Variants in RBCK1 observed in about 807,000 individuals in gnomAD.
The protein encoded by RBCK1 is RANBP2-type and C3HC4-type zinc finger containing 1, also known as ranBP-type and C3HC4-type zinc finger-containing protein 1.
In RBCK1, 44 loss-of-function variants were observed where a neutral mutation model predicts 71.1. The observed-to-expected ratio is 0.62, with a 90% CI of 0.49 to 0.80. The LOEUF (loss-of-function observed/expected upper bound fraction) is 0.80. Among genes scored for constraint, RBCK1 ranks in the 30% least tolerant of loss-of-function variants. The pLI is 0.00. For missense variants in RBCK1, 569 were observed against 685.0 expected (o/e 0.83, Z 1.89); for synonymous variants, 306 against 279.7 (o/e 1.09, Z -0.94).
At chr20:419,224 A>G (rs1356351798) in intron 4 of RBCK1, 123 bp from the exon 5 acceptor site, 18 of 1,325,888 alleles carry the variant, frequency 1.4e-5, no homozygotes, top group Non-Finnish European at 1.8e-5. Flanking sequence ...AGCTGGAGGT[A>G]CCCCCAGGGA....
chr20:420,073 CT>C, intron 6 of RBCK1: 1 of 981,582 alleles, frequency 1.0e-6, no homozygotes, highest in Non-Finnish European at 1.2e-6. Context: ...CCCCAGCACC[CT>C]AGCCATGACC....
In RBCK1 at chr20:422,279, C is replaced by T; in HGVS notation, c.1029+41C>T. 7 of 1,535,894 alleles carry T rather than the reference C, an allele frequency of 4.6e-6. No individual in the cohort carries two copies. Among genetic ancestry groups the T allele is most frequent in the Non-Finnish European group, 6.3e-6 (7 of 1,110,526 alleles). ...GGGAGACATACCCCAAGTCCCAACT[C>T]CTAAGGAACTGGGCCCTGAGCAGGC... is the stretch of plus-strand genomic sequence containing the variant. On this transcript the variant is annotated intron_variant, in intron 8 of 11. Transcript: ENST00000356286. This position sits in a 1 kb window ranked among gnomAD's most constrained non-coding sequence, Gnocchi z 5.0.
Position 417,269 on chromosome 20 carries a change from G to C in RBCK1, c.168-257G>C, listed in dbSNP as rs1286714019. The C allele has an allele frequency of 1.5e-6, 1 of 677,692 alleles. No individual in the cohort carries two copies. The highest frequency in any genetic ancestry group is 2.8e-6 in the Non-Finnish European group (1 of 355,806). 42.0% of individuals were successfully genotyped at this position (677,692 alleles called of 1,614,324 possible). A position where few individuals can be genotyped will look rare whatever the true frequency, so the allele number is the denominator to read the frequency against. The stretch of plus-strand genomic sequence containing the variant: ...GGTTGGAGAGGTCAGGGAGGTGCCA[G>C]ATCATGGAGGCCCTCGTGTGCTGCC... On this transcript the variant is annotated intron_variant, in intron 2 of 11. Transcript: ENST00000356286. The surrounding 1 kb of genome is among the most constrained non-coding windows in gnomAD (Gnocchi z 4.7).
rs1201174405 is a variant in RBCK1 at position 430,903 on chromosome 20, C to G, written c.*473C>G. ...TTTTGAAAGCACAGCCCGTCAGGTC[C>G]GGCTCTGCGTCTCCCTCTCTGCAGC... On this transcript the variant is annotated 3_prime_UTR_variant, in exon 12 of 12. Coordinates refer to ENST00000356286, the MANE Select transcript of RBCK1 (RefSeq NM_031229.4). The surrounding 1 kb of genome is among the most constrained non-coding windows in gnomAD (Gnocchi z 5.6). 1 of 162,994 alleles carries G rather than the reference C, an allele frequency of 6.1e-6. No individual in the cohort carries two copies. The highest frequency in any genetic ancestry group is 1.3e-5 in the Non-Finnish European group (1 of 74,822). The allele number at this position is 162,994 out of a possible 1,614,324, so 10.1% of individuals were successfully genotyped here.
chr20:427,562 G>A (rs143041437), intron 9 of RBCK1, 70 bp downstream of exon 9: 26 of 1,528,212 alleles, frequency 1.7e-5, no homozygotes, highest in South Asian at 8.3e-5. Context: ...ACTGCAGTGC[G>A]TGTTCTCCTG....
Position 426,816 on chromosome 20 carries a change from C to CTTTTTTTTTTTTTTTTTTTTTTTTT in RBCK1, c.1030-493_1030-469dup, listed in dbSNP as rs768525416. Among the ~76,000 whole-genome samples, 7 of 95,508 alleles carry CTTTTTTTTTTTTTTTTTTTTTTTTT rather than the reference C, an allele frequency of 7.3e-5. 1 individual carries two copies. The highest frequency in any genetic ancestry group is 2.1e-4 in the African/African-American group (4 of 18,710). 62.7% of individuals were successfully genotyped at this position (95,508 alleles called of 152,430 possible). A position where few individuals can be genotyped will look rare whatever the true frequency, so the allele number is the denominator to read the frequency against. ...TCACTTTCTTTTTACTTTTCTTTTC[C>CTTTTTTTTTTTTTTTTTTTTTTTTT]TTTTTTTTTTTTTTTTTTTTTTTTT... On this transcript the variant is annotated intron_variant, in intron 8 of 11. Coordinates refer to ENST00000356286, the MANE Select transcript of RBCK1 (RefSeq NM_031229.4).
intron 8 of RBCK1, among the ~76,000 whole-genome samples, chr20:424,166 G>A (rs368544476): frequency 2.1e-4 from 32 of 152,324 alleles, no homozygotes; most frequent in African/African-American, 6.0e-4. Context: ...GTCTGCATAC[G>A]TGTGTGCTTG....
chr20:421,874 G>A (rs778603564), intron 7 of RBCK1: 13 of 497,752 alleles, frequency 2.6e-5, no homozygotes, highest in Middle Eastern at 1.1e-3. Flanking sequence ...GGAGCCCAGC[G>A]AGGAGGCTCC....
intron 8 of RBCK1, among the ~76,000 whole-genome samples, chr20:425,627 T>C (rs1162207430): frequency 4.3e-5 from 1 of 23,482 alleles, no homozygotes; most frequent in Non-Finnish European, 1.2e-4. Flanking sequence ...TGGTGTATTC[T>C]TTTTTTTTTT....
Position 428,843 on chromosome 20 carries a change from G to A in RBCK1, c.1309-108G>A, listed in dbSNP as rs1347586599. ...CCTGGCCTGGCAGAGCCACACAGGA[G>A]AGACTCCACAGCTCTAGAGGGTCAC... is the stretch of plus-strand genomic sequence containing the variant. On this transcript the variant is annotated intron_variant, in intron 10 of 11. Transcript: ENST00000356286. The surrounding 1 kb of genome is among the most constrained non-coding windows in gnomAD (Gnocchi z 5.7). 2 of 1,451,350 alleles carry A rather than the reference G, an allele frequency of 1.4e-6. No homozygotes were observed. Among genetic ancestry groups the A allele is most frequent in the East Asian group, 2.5e-5 (1 of 40,518 alleles). 89.9% of individuals were successfully genotyped at this position (1,451,350 alleles called of 1,614,324 possible).
chr20:408,413 G>A lies in RBCK1; in HGVS notation c.-345G>A, dbSNP rs976762839. ...ACGCCAGGGGCGCTCCCGCAAGTGG[G>A]GGTCCTCCGGGACTTGGAACGCCCC... On this transcript the variant is annotated 5_prime_UTR_variant, in exon 1 of 12. Coordinates refer to ENST00000356286, the MANE Select transcript of RBCK1 (RefSeq NM_031229.4). The A allele has an allele frequency of 8.9e-6, 4 of 448,948 alleles. No individual in the cohort carries two copies. Among genetic ancestry groups the A allele is most frequent in the Admixed American group, 4.3e-5 (1 of 23,526 alleles). 27.8% of individuals were successfully genotyped at this position (448,948 alleles called of 1,614,324 possible).
At chr20:419,814 C>A (rs926940895) in intron 6 of RBCK1, 83 bp downstream of exon 6, 1 of 1,465,886 alleles carries the variant, frequency 6.8e-7, no homozygotes, top group Admixed American at 2.2e-5. Flanking sequence ...TGCGCACTGC[C>A]GCGCCTCTCC....
Position 426,835 on chromosome 20 carries a change from T to G in RBCK1, c.1030-478T>G, listed in dbSNP as rs2016747704. Among the ~76,000 whole-genome samples, 5 of 141,828 alleles carry G rather than the reference T, an allele frequency of 3.5e-5. No individual in the cohort carries two copies. In the South Asian group the frequency reaches 1.2e-3, roughly 33 times the overall value. The allele number at this position is 141,828 out of a possible 152,430, so 93.0% of individuals were successfully genotyped here. On this transcript the variant is annotated intron_variant, in intron 8 of 11. Transcript: ENST00000356286. ...CTTTTCCTTTTTTTTTTTTTTTTTTTTTTTTTTTTAGCTAGGATTTCATTC... is the reference window on the plus strand; with the variant it reads ...CTTTTCCTTTTTTTTTTTTTTTTTTGTTTTTTTTTAGCTAGGATTTCATTC...
Position 428,794 on chromosome 20 carries a change from T to C in RBCK1, c.1309-157T>C. ...GGGTGGAGGGTGGAGACCACAGGAATGAAGAGGGGGTTGCTGGATGGAGCC... is the reference window on the plus strand; with the variant it reads ...GGGTGGAGGGTGGAGACCACAGGAACGAAGAGGGGGTTGCTGGATGGAGCC... On this transcript the variant is annotated intron_variant, in intron 10 of 11. Coordinates refer to ENST00000356286, the MANE Select transcript of RBCK1 (RefSeq NM_031229.4). The surrounding 1 kb of genome is among the most constrained non-coding windows in gnomAD (Gnocchi z 5.7). 7.0e-7 allele frequency: 1 copy of C among 1,432,000 alleles called. No homozygotes were observed. Among genetic ancestry groups the C allele is most frequent in the Non-Finnish European group, 9.1e-7 (1 of 1,095,280 alleles). 88.7% of individuals were successfully genotyped at this position (1,432,000 alleles called of 1,614,324 possible).
At chr20:409,275 C>T (rs1437907803) in intron 1 of RBCK1, among the ~76,000 whole-genome samples, 2 of 152,218 alleles carry the variant, frequency 1.3e-5, no homozygotes, top group East Asian at 1.9e-4. Flanking sequence ...TGGCTTCCTT[C>T]GGTTCTCATC....
In RBCK1 at chr20:419,836, G is replaced by T. The variant is rs911268359; in HGVS notation, c.756+105G>T. 34 of 1,453,538 alleles carry T rather than the reference G, an allele frequency of 2.3e-5. No individual in the cohort carries two copies. The East Asian group carries it at 7.8e-4, about 33-fold the overall frequency. 90.0% of individuals were successfully genotyped at this position (1,453,538 alleles called of 1,614,324 possible). On this transcript the variant is annotated intron_variant, in intron 6 of 11. Transcript: ENST00000356286. ...TGCCGCGCCTCTCCGTTACTGCCTT[G>T]CCCCTCCCAACCATGCTGCTGGCAG...
rs2122282889 is a variant in RBCK1, at chr20:422,245, C to T, written c.1029+7C>T. The T allele has an allele frequency of 2.5e-6, 4 of 1,612,592 alleles. No individual in the cohort carries two copies. In the South Asian group the frequency reaches 4.4e-5, roughly 18 times the overall value. On this transcript the variant is annotated splice_region_variant and intron_variant, in intron 8 of 11. Transcript: ENST00000356286. This position sits in a 1 kb window ranked among gnomAD's most constrained non-coding sequence, Gnocchi z 5.0. ...GGAGAGGGAGATCAAGGCGGTAAGG[C>T]CTCAGGGTGGGAGACATACCCCAAG...
intron 2 of RBCK1, among the ~76,000 whole-genome samples, chr20:411,028 T>C (rs1600273728): frequency 6.6e-6 from 1 of 152,304 alleles, no homozygotes; most frequent in South Asian, 2.1e-4. Flanking sequence ...TCCTCATCTC[T>C]CTACCTTTTC....
chr20:431,510 C>G lies in RBCK1; in HGVS notation c.*1080C>G, dbSNP rs1020574852. ...CGCTCTGTGACCCACCCTCCTTCCC[C>G]TTTTGAGATCTGGTATTTGATGCCC... On this transcript the variant is annotated 3_prime_UTR_variant, in exon 12 of 12. Transcript: ENST00000356286. The surrounding 1 kb of genome is among the most constrained non-coding windows in gnomAD (Gnocchi z 4.8). Among the ~76,000 whole-genome samples the G allele has an allele frequency of 2.0e-5, 3 of 152,204 alleles. No individual in the cohort carries two copies. The highest frequency in any genetic ancestry group is 2.0e-4 in the Admixed American group (3 of 15,280).
Sources: gnomAD v4.1 joint callset for allele counts (sites outside exome capture counted in the v4.1 genomes callset) on GRCh38, gnomAD v4.1.1 for gene constraint, Gnocchi (gnomAD v3.1) non-coding constraint, MANE v1.5 for transcripts, NCBI Gene and HGNC (gene_info 2026-07-23, HGNC 2026-07-21) for gene names.